Variants in THSD7B observed in about 807,000 individuals in gnomAD.
THSD7B encodes the protein thrombospondin type 1 domain containing 7B.
THSD7B carries 138 observed loss-of-function variants against 213.6 expected under a neutral mutation model. The ratio of observed to expected loss-of-function variants is 0.65; its 90% CI spans 0.56 to 0.74. The LOEUF (loss-of-function observed/expected upper bound fraction) is 0.74, where lower values mean the gene tolerates loss of function less well. Among genes scored for constraint, THSD7B ranks in the 30% least tolerant of loss-of-function variants. THSD7B has a pLI of 0.00. For missense variants in THSD7B, 1,931 were observed against 1,991.5 expected (o/e 0.97, Z 0.58); for synonymous variants, 742 against 687.0 (o/e 1.08, Z -1.25).
Position 137,411,656 on chromosome 2 carries a change from C to G in THSD7B, c.2743C>G (p.Leu915Val), listed in dbSNP as rs1226457331. Residue 915 changes from leucine (L) to valine (V), a missense_variant, in exon 14 of 28, where the codon CTA (leucine) becomes GTA (valine). Transcript: ENST00000409968. ...ATGCCAGGATTCTGACCTTTACCCT[C>G]TAGTGGAGACAGAACTATGTCCTTG... is the stretch of plus-strand genomic sequence containing the variant. ...EKCQDSDLYP[L>V]VETELCPCDE... 10 of 1,613,848 alleles carry G rather than the reference C, an allele frequency of 6.2e-6. No individual in the cohort carries two copies. The East Asian group carries it at 1.1e-4, about 18-fold the overall frequency.
At chr2:137,201,422 C>T (rs1261076208) in intron 7 of THSD7B, among the ~76,000 whole-genome samples, 2 of 152,024 alleles carry the variant, frequency 1.3e-5, no homozygotes, top group African/African-American at 2.4e-5. Flanking sequence ...GATTTCAGTT[C>T]CTTTTGATAT....
intron 25 of THSD7B, among the ~76,000 whole-genome samples, chr2:137,660,958 T>C (rs906466396): frequency 6.6e-6 from 1 of 152,230 alleles, no homozygotes; most frequent in Non-Finnish European, 1.5e-5. Context: ...TTAGTATCTG[T>C]TTCTCCTCAA....
intron 12 of THSD7B, among the ~76,000 whole-genome samples, chr2:137,344,155 G>A (rs1239643137): frequency 6.6e-6 from 1 of 151,540 alleles, no homozygotes; most frequent in East Asian, 1.9e-4. Context: ...TCTAACTAAT[G>A]CCTGATAATC....
intron 14 of THSD7B, among the ~76,000 whole-genome samples, chr2:137,429,201 CTT>C (rs1050607711): frequency 1.4e-4 from 21 of 152,070 alleles, no homozygotes; most frequent in African/African-American, 5.1e-4. Flanking sequence ...TATAGGGTCT[CTT>C]TTGGGGGTGA....
intron 2 of THSD7B, among the ~76,000 whole-genome samples, chr2:136,886,430 C>T (rs754136935): frequency 2.0e-5 from 3 of 151,926 alleles, no homozygotes; most frequent in Non-Finnish European, 2.9e-5. Context: ...AGTGGAGGTG[C>T]GGAGAAGGAG....
chr2:137,407,056 G>A (rs1286523535), intron 13 of THSD7B, among the ~76,000 whole-genome samples: 2 of 152,132 alleles, frequency 1.3e-5, no homozygotes, highest in Admixed American at 1.3e-4. Context: ...AGAGGAAAGG[G>A]AAGTTTTTAA....
At chr2:137,394,595 T>G (rs977087502) in intron 12 of THSD7B, among the ~76,000 whole-genome samples, 1 of 136,680 alleles carries the variant, frequency 7.3e-6, no homozygotes, top group Non-Finnish European at 1.6e-5. Flanking sequence ...TCAGGTAGTG[T>G]GATGCCTCCA....
At chr2:136,839,930 G>GCATTCAGTAAGCAGGCAT (rs1218833786) in intron 1 of THSD7B, among the ~76,000 whole-genome samples, 1 of 152,122 alleles carries the variant, frequency 6.6e-6, no homozygotes. Flanking sequence ...AGCATTTATT[G>GCATTCAGTAAGCAGGCAT]AGTACCAGCT....
intron 7 of THSD7B, among the ~76,000 whole-genome samples, chr2:137,224,289 C>G (rs562982202): frequency 1.3e-5 from 2 of 152,252 alleles, no homozygotes; most frequent in African/African-American, 4.8e-5. Flanking sequence ...CTTCTGTAGC[C>G]AGGTACATAA....
intron 10 of THSD7B, among the ~76,000 whole-genome samples, chr2:137,254,992 T>C (rs979071337): frequency 3.9e-5 from 6 of 152,166 alleles, no homozygotes; most frequent in African/African-American, 1.2e-4. Flanking sequence ...CTGTTTATCA[T>C]GTATAATGTC....
intron 17 of THSD7B, among the ~76,000 whole-genome samples, chr2:137,594,563 C>A (rs1489663427): frequency 2.6e-5 from 4 of 151,872 alleles, no homozygotes; most frequent in African/African-American, 9.7e-5. Flanking sequence ...CAGTTTTATT[C>A]CATTGATTGG....
At chr2:136,989,460 A>G (rs1358189740) in intron 2 of THSD7B, among the ~76,000 whole-genome samples, 1 of 151,852 alleles carries the variant, frequency 6.6e-6, no homozygotes, top group Non-Finnish European at 1.5e-5. Flanking sequence ...TATGTGATAC[A>G]CTGGCTGCCC....
chr2:137,522,555 T>C (rs1680205445), intron 15 of THSD7B, among the ~76,000 whole-genome samples: 1 of 152,116 alleles, frequency 6.6e-6, no homozygotes, highest in Non-Finnish European at 1.5e-5. Context: ...TCCTTTTTCT[T>C]GGAATGGAGA....
intron 12 of THSD7B, among the ~76,000 whole-genome samples, chr2:137,367,193 A>G (rs57863723): frequency 0.037 from 5,691 of 152,200 alleles, 369 homozygotes; most frequent in African/African-American, 0.13. Flanking sequence ...TTCCTTAGGC[A>G]GGCTGTGCAG....
chr2:136,945,548 A>G (rs763340774), intron 2 of THSD7B, among the ~76,000 whole-genome samples: 15 of 152,138 alleles, frequency 9.9e-5, no homozygotes, highest in Admixed American at 3.9e-4. Context: ...TCTCCTGGAT[A>G]ATATCCTGAA....
At chr2:137,537,980 A>G (rs1297841376) in intron 15 of THSD7B, among the ~76,000 whole-genome samples, 1 of 151,746 alleles carries the variant, frequency 6.6e-6, no homozygotes, top group Non-Finnish European at 1.5e-5. Context: ...AGGAGGAAAG[A>G]AAGATACATG....
rs755472565 is a variant in THSD7B, at chr2:137,242,447, A to C, written c.2151-10A>C. 2.5e-6 allele frequency: 4 copies of C among 1,607,942 alleles called. No individual in the cohort carries two copies. The highest frequency in any genetic ancestry group is 3.4e-6 in the Non-Finnish European group (4 of 1,174,496). Reference sequence around the variant, plus strand: ...AAAAAGGCATTGACATGGTCTTTTCACATTGACAGATGTCCAGATTCTACT... The same window carrying C: ...AAAAAGGCATTGACATGGTCTTTTCCCATTGACAGATGTCCAGATTCTACT... On this transcript the variant is annotated splice_polypyrimidine_tract_variant and intron_variant, in intron 9 of 27. Coordinates refer to ENST00000409968, the MANE Select transcript of THSD7B (RefSeq NM_001316349.2).
intron 12 of THSD7B, among the ~76,000 whole-genome samples, chr2:137,393,284 A>G (rs1346243357): frequency 3.3e-5 from 5 of 151,594 alleles, no homozygotes; most frequent in African/African-American, 2.4e-5. Flanking sequence ...AGCATTAGGT[A>G]TATCTCCCAA....
At chr2:137,624,766 C>A (rs1682591266) in intron 20 of THSD7B, among the ~76,000 whole-genome samples, 1 of 152,130 alleles carries the variant, frequency 6.6e-6, no homozygotes, top group Admixed American at 6.5e-5. Flanking sequence ...AAATCAAAAC[C>A]ACAATGAGAT....
Sources: gnomAD v4.1 joint callset for allele counts (sites outside exome capture counted in the v4.1 genomes callset) on GRCh38, gnomAD v4.1.1 for gene constraint, MANE v1.5 for transcripts, NCBI Gene and HGNC (gene_info 2026-07-23, HGNC 2026-07-21) for gene names.